The following ADGRF1 variants were observed in gnomAD, a reference collection of about 807,000 sequenced individuals.
ADGRF1 encodes G protein-coupled receptor 110.
ADGRF1 carries 85 observed loss-of-function variants against 87.2 expected under a neutral mutation model. That is an observed-to-expected ratio of 0.97 (90% CI 0.82 to 1.17). The LOEUF is 1.17. ADGRF1 is among the 50% of genes most tolerant of loss of function. ADGRF1 has a pLI of 0.00. For synonymous variants in ADGRF1, 430 were observed against 408.8 expected, an observed-to-expected ratio of 1.05 and a Z score of -0.63; for missense variants, 1,169 against 1,077.2, an observed-to-expected ratio of 1.09 and a Z score of -1.19.
At chr6:47,026,350 G>A (rs1780233262) in intron 3 of ADGRF1, among the ~76,000 whole-genome samples, 1 of 152,038 alleles carries the variant, frequency 6.6e-6, no homozygotes, top group Non-Finnish European at 1.5e-5. Context: ...AAGAGGTGAG[G>A]AAATCCAAGT....
rs1779320862 is a variant in ADGRF1, at chr6:47,000,194, T to C, written c.*28A>G. On this transcript the variant is annotated 3_prime_UTR_variant, in exon 15 of 15. Coordinates refer to ENST00000371253, the MANE Select transcript of ADGRF1 (RefSeq NM_153840.4). ...TCTAAATGTCAAGTTGTTCTGGAAATTTTTTCTTGATTTTATGATTCCTTG... is the reference window on the plus strand; with the variant it reads ...TCTAAATGTCAAGTTGTTCTGGAAACTTTTTCTTGATTTTATGATTCCTTG... The C allele has an allele frequency of 1.3e-6, 2 of 1,563,092 alleles. No homozygotes were observed. Among genetic ancestry groups the C allele is most frequent in the East Asian group, 2.2e-5 (1 of 44,566 alleles).
chr6:47,036,123 T>C (rs1358432962), intron 1 of ADGRF1, among the ~76,000 whole-genome samples: 1 of 152,044 alleles, frequency 6.6e-6, no homozygotes, highest in Non-Finnish European at 1.5e-5. Context: ...CCCAGCTACT[T>C]GGGAGCTGAG....
At chr6:47,013,878 T>TTC (rs71305758) in intron 9 of ADGRF1, 11,725 of 146,886 alleles carry the variant, frequency 0.08, 495 homozygotes, top group Middle Eastern at 0.12. Flanking sequence ...ATCTCTCTCT[T>TTC]TCTCTCTCTC....
chr6:47,026,030 C>CT (rs1780222201), intron 3 of ADGRF1, 27 bp from the exon 4 acceptor site: 7 of 1,539,744 alleles, frequency 4.5e-6, no homozygotes, highest in African/African-American at 1.4e-5. Context: ...AGTCAGAAAC[C>CT]TTTTTTTCTG....
intron 9 of ADGRF1, chr6:47,012,427 G>T: frequency 1.4e-6 from 1 of 693,250 alleles, no homozygotes; most frequent in Non-Finnish European, 2.0e-6. Context: ...TTTGAGGGAG[G>T]TACCATTATT....
chr6:47,040,218 A>G (rs1199079962), intron 1 of ADGRF1, among the ~76,000 whole-genome samples: 1 of 152,132 alleles, frequency 6.6e-6, no homozygotes, highest in Non-Finnish European at 1.5e-5. Context: ...TAATCCCAGC[A>G]CTTTGGGAGG....
chr6:47,031,719 T>TATTAAA (rs1780437750), intron 1 of ADGRF1, among the ~76,000 whole-genome samples: 2 of 152,130 alleles, frequency 1.3e-5, no homozygotes, highest in Admixed American at 6.5e-5. Flanking sequence ...CAGCTATGTA[T>TATTAAA]ATTATAATTA....
chr6:47,012,796 G>C lies in ADGRF1; in HGVS notation c.928-601C>G. On this transcript the variant is annotated intron_variant, in intron 9 of 14. Coordinates refer to ENST00000371253, the MANE Select transcript of ADGRF1 (RefSeq NM_153840.4). ...TTTTTTTTATTTTTTTCGAGATGGAGTCTTGCTCTGTCAGCCAGGCTGGAG... is the reference window on the plus strand; with the variant it reads ...TTTTTTTTATTTTTTTCGAGATGGACTCTTGCTCTGTCAGCCAGGCTGGAG... 3.1e-6 allele frequency: 3 copies of C among 982,918 alleles called. No individual in the cohort carries two copies. The East Asian group carries it at 3.4e-4, about 112-fold the overall frequency. 60.9% of individuals were successfully genotyped at this position (982,918 alleles called of 1,614,324 possible).
At chr6:47,000,375 A>C in intron 14 of ADGRF1, 80 bp from the exon 15 acceptor site, 3 of 1,015,824 alleles carry the variant, frequency 3.0e-6, no homozygotes, top group Non-Finnish European at 4.5e-6. Flanking sequence ...ATTAGCCTGT[A>C]GATTATTTCA....
intron 1 of ADGRF1, among the ~76,000 whole-genome samples, chr6:47,041,211 G>A (rs1780733898): frequency 6.6e-6 from 1 of 152,148 alleles, no homozygotes; most frequent in Non-Finnish European, 1.5e-5. Flanking sequence ...TGTCAATTTG[G>A]GTTATGGTTA....
chr6:47,014,558 C>T (rs1238553230), intron 9 of ADGRF1, 123 bp downstream of exon 9: 13 of 1,485,072 alleles, frequency 8.8e-6, no homozygotes, highest in African/African-American at 4.2e-5. Context: ...GTCATCCTTG[C>T]TCTTTGCATA....
At chr6:47,016,845 C>T in intron 7 of ADGRF1, 77 bp from the exon 8 acceptor site, 1 of 1,456,682 alleles carries the variant, frequency 6.9e-7, no homozygotes, top group Non-Finnish European at 9.1e-7. Context: ...GCTGTGTGTA[C>T]ATGCCATGGG....
intron 9 of ADGRF1, chr6:47,014,451 A>G: frequency 2.4e-6 from 3 of 1,256,188 alleles, no homozygotes; most frequent in Non-Finnish European, 3.0e-6. Context: ...CCTCTGCCTG[A>G]CAAAACTATC....
chr6:47,009,614 C>T lies in ADGRF1; in HGVS notation c.1821G>A (p.Glu607=), dbSNP rs1779637114. ...TTTTAATCTGCTTCCAAAACAAAGCCTCGATGATCAGGCATAAAATGAGAC... is the reference window on the plus strand; with the variant it reads ...TTTTAATCTGCTTCCAAAACAAAGCTTCGATGATCAGGCATAAAATGAGAC... ...IGSLILCLII[E]ALFWKQIKKS... Residue 607 remains glutamate (E), a synonymous_variant, in exon 11 of 15, where the codon GAG becomes GAA. Transcript: ENST00000371253. 1.2e-6 allele frequency: 2 copies of T among 1,613,946 alleles called. No homozygotes were observed. Among genetic ancestry groups the T allele is most frequent in the Non-Finnish European group, 1.7e-6 (2 of 1,180,016 alleles).
intron 2 of ADGRF1, 86 bp downstream of exon 2, chr6:47,028,907 C>A: frequency 1.0e-6 from 1 of 995,174 alleles, no homozygotes. Context: ...CAGTTGCAGT[C>A]CCCTAGAGAG....
intron 9 of ADGRF1, chr6:47,012,835 T>A (rs1779750581): frequency 1.1e-6 from 1 of 918,148 alleles, no homozygotes; most frequent in Non-Finnish European, 1.3e-6. Context: ...GGTGGCATGA[T>A]CTCAGCTCAC....
At chr6:47,028,958 G>C (rs112524809) in intron 2 of ADGRF1, 35 bp downstream of exon 2, 95 of 1,554,428 alleles carry the variant, frequency 6.1e-5, no homozygotes, top group Non-Finnish European at 8.4e-5. Flanking sequence ...AGGAGAGTTA[G>C]TTGAGAAGAG....
intron 10 of ADGRF1, among the ~76,000 whole-genome samples, chr6:47,011,372 A>C (rs773600529): frequency 2.1e-4 from 32 of 152,238 alleles, no homozygotes; most frequent in Non-Finnish European, 4.0e-4. Context: ...TATATCCTTT[A>C]ACATATAAAA....
Position 47,014,741 on chromosome 6 carries a change from G to A in ADGRF1, c.867C>T (p.Ser289=). 5.0e-6 allele frequency: 8 copies of A among 1,613,904 alleles called. No homozygotes were observed. The highest frequency in any genetic ancestry group is 1.1e-5 in the South Asian group (1 of 91,070). Residue 289 remains serine (S), a synonymous_variant, in exon 9 of 15, where the codon TCC becomes TCT. Transcript: ENST00000371253. ...YRGNITAKCE[S]SGWQVIRETC... ...TCTCCCTGATGACCTGCCACCCAGAGGACTCACACTTGGCTGTGATGTTTC... is the reference window on the plus strand; with the variant it reads ...TCTCCCTGATGACCTGCCACCCAGAAGACTCACACTTGGCTGTGATGTTTC...
Sources: gnomAD v4.1 joint callset for allele counts (sites outside exome capture counted in the v4.1 genomes callset) on GRCh38, gnomAD v4.1.1 for gene constraint, MANE v1.5 for transcripts, NCBI Gene and HGNC (gene_info 2026-07-23, HGNC 2026-07-21) for gene names.